RIC1: variants seen among roughly 807,000 people sequenced by gnomAD.
RIC1 encodes the protein RIC1 partner of RAB6A GEF complex, also known as guanine nucleotide exchange factor subunit RIC1.
In RIC1, 88 loss-of-function variants were observed where a neutral mutation model predicts 169.0. The ratio of observed to expected loss-of-function variants is 0.52; its 90% CI spans 0.44 to 0.62. The LOEUF (loss-of-function observed/expected upper bound fraction) is 0.62, where lower values mean the gene tolerates loss of function less well. RIC1 is among the 20% of genes least tolerant of loss of function. The pLI, the probability that RIC1 is intolerant of heterozygous loss-of-function variation, is 0.00. For synonymous variants in RIC1, 790 were observed against 601.5 expected (o/e 1.31, Z -4.59); for missense variants, 1,877 against 1,725.5 (o/e 1.09, Z -1.56).
chr9:5,695,427 T>C (rs1159051713), intron 3 of RIC1, among the ~76,000 whole-genome samples: 1 of 152,178 alleles, frequency 6.6e-6, no homozygotes, highest in Non-Finnish European at 1.5e-5. Context: ...TTATTCACTC[T>C]TCCTGCCCAC....
chr9:5,778,390 C>T (rs1307792374), downstream of RIC1, among the ~76,000 whole-genome samples: 2 of 152,164 alleles, frequency 1.3e-5, no homozygotes. Context: ...TTCTTTCTTT[C>T]TCCTGCCAAA....
chr9:5,643,447 G>T (rs1056574581), intron 1 of RIC1, among the ~76,000 whole-genome samples: 1 of 152,138 alleles, frequency 6.6e-6, no homozygotes, highest in South Asian at 2.1e-4. Context: ...GGTTGAGGCT[G>T]CAGTGAGCCA....
At chr9:5,754,457 G>A (rs1039524094) in intron 14 of RIC1, among the ~76,000 whole-genome samples, 30 of 152,288 alleles carry the variant, frequency 2.0e-4, no homozygotes, top group Admixed American at 1.6e-3. Flanking sequence ...CTGGGCGTGT[G>A]GTGGCTCACG....
intron 2 of RIC1, among the ~76,000 whole-genome samples, chr9:5,662,073 C>T (rs1448313252): frequency 1.3e-5 from 2 of 152,210 alleles, no homozygotes; most frequent in Non-Finnish European, 2.9e-5. Context: ...ACCTTTTCCG[C>T]ATCTATTGAG....
chr9:5,690,019 T>G lies in RIC1; in HGVS notation c.313T>G (p.Tyr105Asp). Reference sequence around the variant, plus strand: ...ATCTACAAGAGGGGACAAGTACCTTTATGAACCAGTGTATCCCAAGTAAGT... The same window carrying G: ...ATCTACAAGAGGGGACAAGTACCTTGATGAACCAGTGTATCCCAAGTAAGT... ...ITSTRGDKYL[Y>D]EPVYPKGSPQ... Residue 105 changes from tyrosine (Y) to aspartate (D), a missense_variant, in exon 3 of 26, where the codon TAT becomes GAT. Physicochemically the swap from Tyr to Asp is radical, Grantham distance 160 (BLOSUM62 -3). This residue lies in a region of RIC1 where 1,104 missense variants were observed against 992.0 expected (regional missense o/e 1.11). Coordinates refer to ENST00000414202, the MANE Select transcript of RIC1 (RefSeq NM_020829.4). 6.3e-7 allele frequency: 1 copy of G among 1,599,892 alleles called. No homozygotes were observed. Among genetic ancestry groups the G allele is most frequent in the Non-Finnish European group, 8.5e-7 (1 of 1,174,464 alleles).
At chr9:5,693,176 G>T (rs754769701) in intron 3 of RIC1, among the ~76,000 whole-genome samples, 7 of 152,100 alleles carry the variant, frequency 4.6e-5, no homozygotes, top group Non-Finnish European at 8.8e-5. Context: ...GAGGCCAGTG[G>T]TTAATCATCC....
chr9:5,753,593 G>A lies in RIC1; in HGVS notation c.1549G>A (p.Ala517Thr), dbSNP rs753689510. ...NIAVVGKFGF[A>T]HYSLLTKKWK... is the part of the protein sequence containing the mutation. Reference sequence around the variant, plus strand: ...TGCTGTGGTTGGCAAGTTTGGTTTTGCACATTACTCTTTACTCACCAAAAA... The same window carrying A: ...TGCTGTGGTTGGCAAGTTTGGTTTTACACATTACTCTTTACTCACCAAAAA... Residue 517 changes from alanine to threonine, a missense_variant, in exon 14 of 26, where the codon GCA becomes ACA. By Grantham distance (58) the Ala-to-Thr change is moderately conservative (BLOSUM62 0). This residue lies in a region of RIC1 where 1,104 missense variants were observed against 992.0 expected (regional missense o/e 1.11). Transcript: ENST00000414202. 4 of 1,611,504 alleles carry A rather than the reference G, an allele frequency of 2.5e-6. No homozygotes were observed. In the Admixed American group the frequency reaches 6.7e-5, roughly 27 times the overall value.
chr9:5,664,208 C>T (rs981851948), intron 2 of RIC1, among the ~76,000 whole-genome samples: 3 of 152,024 alleles, frequency 2.0e-5, no homozygotes, highest in African/African-American at 7.2e-5. Context: ...AAGAGATCGA[C>T]ACCATCCTGG....
At chr9:5,760,285 C>T (rs899284131) in intron 17 of RIC1, among the ~76,000 whole-genome samples, 36 of 152,046 alleles carry the variant, frequency 2.4e-4, no homozygotes, top group African/African-American at 8.2e-4. Flanking sequence ...TACATGTAGC[C>T]CTTGCTTTTT....
chr9:5,718,105 A>C (rs1242913263), intron 4 of RIC1, among the ~76,000 whole-genome samples: 1 of 128,858 alleles, frequency 7.8e-6, no homozygotes, highest in African/African-American at 3.1e-5. Context: ...GTACCACTGC[A>C]CTCCAGCTTG....
intron 1 of RIC1, among the ~76,000 whole-genome samples, chr9:5,646,574 T>G (rs980597118): frequency 2.0e-5 from 3 of 152,222 alleles, no homozygotes; most frequent in Admixed American, 6.5e-5. Context: ...CTATATAGGC[T>G]TGTATCCTAG....
chr9:5,772,022 T>A (rs1335245620), intron 23 of RIC1, among the ~76,000 whole-genome samples: 1 of 152,222 alleles, frequency 6.6e-6, no homozygotes, highest in Non-Finnish European at 1.5e-5. Context: ...AAATATCCAT[T>A]AAGTATTCAG....
In RIC1 at chr9:5,763,842, G is replaced by C. The variant is rs1204103308; in HGVS notation, c.2815G>C (p.Ala939Pro). ...TTTGATGGCTCAGGATTTGGACACA[G>C]CTGCCTCTTACCTTATTATCTTACA... ...ECLMAQDLDT[A>P]ASYLIILQNM... is the part of the protein sequence containing the mutation. The change falls in exon 19 of 26, where the codon GCT becomes CCT. Residue 939 changes from alanine (A) to proline (P), a missense_variant. Ala to Pro is a conservative substitution (Grantham distance 27, BLOSUM62 -1). This residue lies in a region of RIC1 where 92 missense variants were observed against 151.5 expected (regional missense o/e 0.61). Transcript: ENST00000414202. The surrounding 1 kb of genome is among the most constrained non-coding windows in gnomAD (Gnocchi z 5.2). 1.9e-6 allele frequency: 3 copies of C among 1,613,798 alleles called. No homozygotes were observed. Among genetic ancestry groups the C allele is most frequent in the Non-Finnish European group, 1.7e-6 (2 of 1,179,754 alleles).
chr9:5,686,754 G>T (rs959256797), intron 2 of RIC1, among the ~76,000 whole-genome samples: 2 of 151,790 alleles, frequency 1.3e-5, no homozygotes, highest in South Asian at 4.2e-4. Context: ...ATGTGCACAT[G>T]TACCCTAAAA....
chr9:5,714,800 A>G (rs1024668601), intron 4 of RIC1, among the ~76,000 whole-genome samples: 6 of 152,180 alleles, frequency 3.9e-5, no homozygotes, highest in Middle Eastern at 6.3e-3. Flanking sequence ...GAAACTGGGG[A>G]TGAGAACTGA....
chr9:5,668,789 G>C (rs1277845673), intron 2 of RIC1, among the ~76,000 whole-genome samples: 1 of 151,844 alleles, frequency 6.6e-6, no homozygotes, highest in East Asian at 1.9e-4. Flanking sequence ...TTGTTTTCTT[G>C]ATTTTCTTTA....
At chr9:5,751,407 G>C (rs1355443192) in intron 12 of RIC1, among the ~76,000 whole-genome samples, 2 of 151,892 alleles carry the variant, frequency 1.3e-5, no homozygotes, top group African/African-American at 4.9e-5. Flanking sequence ...CCAGGCTGGA[G>C]TGCAGTGGTG....
intron 3 of RIC1, among the ~76,000 whole-genome samples, chr9:5,698,555 C>CT (rs1328934088): frequency 6.6e-6 from 1 of 152,126 alleles, no homozygotes; most frequent in Non-Finnish European, 1.5e-5. Context: ...ATTTTTCCTA[C>CT]TTTCTTGTGA....
chr9:5,652,052 A>T (rs1818833880), intron 1 of RIC1, among the ~76,000 whole-genome samples: 1 of 152,040 alleles, frequency 6.6e-6, no homozygotes, highest in Non-Finnish European at 1.5e-5. Context: ...TTTCTGGGCT[A>T]TTTTGTTCCA....
Sources: allele counts gnomAD v4.1 joint callset (sites outside exome capture counted in the v4.1 genomes callset), GRCh38; gene constraint gnomAD v4.1.1; regional missense constraint gnomAD v4.1.1; non-coding constraint Gnocchi (gnomAD v3.1); transcripts MANE v1.5; gene names NCBI Gene and HGNC (gene_info 2026-07-23, HGNC 2026-07-21).